The following PRLR variants were observed in gnomAD, a reference collection of about 807,000 sequenced individuals.
The protein encoded by PRLR is prolactin receptor, also known as hPRL receptor.
Under a neutral mutation model 40.2 loss-of-function variants are expected in PRLR, and 13 were observed. That is an observed-to-expected ratio of 0.32 (90% CI 0.21 to 0.51). The LOEUF (loss-of-function observed/expected upper bound fraction) is 0.51, where lower values mean the gene tolerates loss of function less well. PRLR is among the 20% of genes least tolerant of loss of function. PRLR has a pLI of 0.97. For synonymous variants in PRLR, 269 were observed against 278.7 expected, an observed-to-expected ratio of 0.97 and a Z score of 0.35; for missense variants, 656 against 747.3, an observed-to-expected ratio of 0.88 and a Z score of 1.42.
intron 8 of PRLR, 35 bp from the exon 9 acceptor site, chr5:35,068,320 C>T (rs745402928): frequency 2.6e-6 from 4 of 1,562,512 alleles, no homozygotes; most frequent in Non-Finnish European, 3.5e-6. Flanking sequence ...CTAAATGACT[C>T]ATTTCTGACT....
chr5:35,221,841 A>T (rs935210033), intron 1 of PRLR, among the ~76,000 whole-genome samples: 11 of 152,188 alleles, frequency 7.2e-5, no homozygotes, highest in African/African-American at 2.7e-4. Flanking sequence ...AGAAAACCCA[A>T]CCATTTGGGA....
At chr5:35,216,762 T>G (rs1045619956) in intron 1 of PRLR, among the ~76,000 whole-genome samples, 3 of 152,250 alleles carry the variant, frequency 2.0e-5, no homozygotes, top group Admixed American at 6.5e-5. Context: ...TTTAACCATC[T>G]GTTATCTGTG....
At chr5:35,188,179 G>A (rs1445450402) in intron 1 of PRLR, among the ~76,000 whole-genome samples, 2 of 152,164 alleles carry the variant, frequency 1.3e-5, no homozygotes, top group Admixed American at 6.5e-5. Context: ...CGGGCTTTTC[G>A]AGTTCAGCTC....
At chr5:35,111,800 T>C (rs1339877329) in intron 2 of PRLR, among the ~76,000 whole-genome samples, 1 of 152,216 alleles carries the variant, frequency 6.6e-6, no homozygotes, top group Non-Finnish European at 1.5e-5. Flanking sequence ...CTAATATACA[T>C]ATCTCTATAT....
intron 1 of PRLR, among the ~76,000 whole-genome samples, chr5:35,181,731 G>A (rs13154347): frequency 0.28 from 43,070 of 152,018 alleles, 6,237 homozygotes; most frequent in Middle Eastern, 0.34. Flanking sequence ...AAGCAGAAAA[G>A]GCTCTTAGGA....
intron 1 of PRLR, among the ~76,000 whole-genome samples, chr5:35,176,005 TATA>T (rs1449240541): frequency 6.6e-6 from 1 of 152,172 alleles, no homozygotes; most frequent in Non-Finnish European, 1.5e-5. Context: ...TATTATATGT[TATA>T]ATATTTCATG....
chr5:35,174,820 G>C lies in PRLR; in HGVS notation c.-106+55448C>G, dbSNP rs143210911. On this transcript the variant is annotated intron_variant, in intron 1 of 9. Transcript: ENST00000618457. ...TTTCAGCTTCTGGGAGGAAATGTTGGGTAAGACCCCCACCCTGAGTACCAC... is the reference window on the plus strand; with the variant it reads ...TTTCAGCTTCTGGGAGGAAATGTTGCGTAAGACCCCCACCCTGAGTACCAC... 2.0e-4 allele frequency among the ~76,000 whole-genome samples: 30 copies of C among 152,190 alleles called. 1 individual carries two copies. The East Asian group carries it at 3.9e-3, about 20-fold the overall frequency.
intron 5 of PRLR, chr5:35,081,891 TG>T: frequency 5.2e-6 from 1 of 192,988 alleles, no homozygotes; most frequent in Admixed American, 5.0e-5. Flanking sequence ...CTTTTGGGGC[TG>T]GCATCGCCCT....
intron 5 of PRLR, among the ~76,000 whole-genome samples, chr5:35,079,837 G>A (rs983392838): frequency 1.3e-5 from 2 of 152,128 alleles, no homozygotes; most frequent in Admixed American, 6.6e-5. Flanking sequence ...TACCAAAACA[G>A]AGATACAGAC....
intron 6 of PRLR, among the ~76,000 whole-genome samples, 196 bp from the exon 7 acceptor site, chr5:35,070,461 C>G (rs974261041): frequency 6.6e-6 from 1 of 152,178 alleles, no homozygotes; most frequent in Non-Finnish European, 1.5e-5. Flanking sequence ...GGTTTTCTAT[C>G]TCTCCATTTG....
At chr5:35,102,418 CTT>C (rs1561299251) in intron 2 of PRLR, among the ~76,000 whole-genome samples, 1 of 151,632 alleles carries the variant, frequency 6.6e-6, no homozygotes, top group African/African-American at 2.4e-5. Context: ...GTCTTTTTCT[CTT>C]TCTTTTTCCT....
chr5:35,133,284 C>T (rs1346860976), intron 1 of PRLR, among the ~76,000 whole-genome samples: 3 of 151,968 alleles, frequency 2.0e-5, no homozygotes, highest in Non-Finnish European at 4.4e-5. Context: ...CCTCCATAAT[C>T]GTGTGAGCCA....
intron 1 of PRLR, among the ~76,000 whole-genome samples, chr5:35,149,944 T>C (rs1561334542): frequency 6.6e-6 from 1 of 152,120 alleles, no homozygotes; most frequent in African/African-American, 2.4e-5. Flanking sequence ...CTGCAACCTC[T>C]GCCTCCTGGG....
downstream of PRLR, among the ~76,000 whole-genome samples, chr5:35,052,263 T>C (rs928223392): frequency 1.4e-4 from 22 of 152,164 alleles, no homozygotes; most frequent in Non-Finnish European, 1.0e-4. Context: ...ATCTCAAGAA[T>C]GCAAGGGTAC....
chr5:35,115,018 G>A (rs1391061156), intron 2 of PRLR, among the ~76,000 whole-genome samples: 4 of 152,156 alleles, frequency 2.6e-5, no homozygotes, highest in African/African-American at 9.7e-5. Context: ...CTCAAGACAT[G>A]GTATTCAGTA....
intron 9 of PRLR, among the ~76,000 whole-genome samples, chr5:35,067,150 C>T (rs746927867): frequency 1.3e-5 from 2 of 152,182 alleles, no homozygotes; most frequent in Non-Finnish European, 2.9e-5. Flanking sequence ...TTTGGACAAG[C>T]TGCTCTCTGA....
At chr5:35,080,550 C>A (rs1423874048) in intron 5 of PRLR, among the ~76,000 whole-genome samples, 1 of 151,950 alleles carries the variant, frequency 6.6e-6, no homozygotes, top group African/African-American at 2.4e-5. Context: ...CAACAGGTGC[C>A]GGAGAGGATG....
rs530438301 is a variant in PRLR at position 35,162,478 on chromosome 5, G to T, written c.-105-44356C>A. 9.9e-5 allele frequency among the ~76,000 whole-genome samples: 15 copies of T among 152,274 alleles called. No homozygotes were observed. The East Asian group carries it at 2.5e-3, about 25-fold the overall frequency. ...AGGATTTTCCATTCAAAATAAGTGG[G>T]AATACAAAAGTAGCATAAGAATGAA... On this transcript the variant is annotated intron_variant, in intron 1 of 9. Coordinates refer to ENST00000618457, the MANE Select transcript of PRLR (RefSeq NM_000949.7).
At chr5:35,093,770 A>G (rs1385191179) in intron 2 of PRLR, among the ~76,000 whole-genome samples, 1 of 152,232 alleles carries the variant, frequency 6.6e-6, no homozygotes, top group African/African-American at 2.4e-5. Context: ...GACCATATAT[A>G]TGATGGTGGT....
Sources: allele counts gnomAD v4.1 joint callset (sites outside exome capture counted in the v4.1 genomes callset), GRCh38; gene constraint gnomAD v4.1.1; transcripts MANE v1.5; gene names NCBI Gene and HGNC (gene_info 2026-07-23, HGNC 2026-07-21).